RPP30: variants seen among roughly 807,000 people sequenced by gnomAD.
RPP30 encodes ribonuclease P protein subunit p30.
RPP30 carries 36 observed loss-of-function variants against 38.6 expected under a neutral mutation model. The observed-to-expected ratio is 0.93, with a 90% CI of 0.71 to 1.23. The LOEUF is 1.23. Among genes scored for constraint, RPP30 ranks in the 50% most tolerant of loss-of-function variants. The probability of loss-of-function intolerance (pLI) is 0.00; values close to 1 mark genes in which losing one functional copy is unlikely to be tolerated. For missense variants in RPP30, 321 were observed against 321.7 expected (o/e 1.00, Z 0.02); for synonymous variants, 126 against 112.7 (o/e 1.12, Z -0.75).
At chr10:90,896,224 G>T in intron 9 of RPP30, 89 bp from the exon 10 acceptor site, 2 of 1,117,244 alleles carry the variant, frequency 1.8e-6, no homozygotes, top group South Asian at 2.6e-5. Flanking sequence ...CTCTCAAGAT[G>T]ACCAGGTTAG....
chr10:90,877,123 T>TAGGGA (rs1390315163), intron 4 of RPP30, among the ~76,000 whole-genome samples: 1 of 152,014 alleles, frequency 6.6e-6, no homozygotes, highest in Admixed American at 6.6e-5. Flanking sequence ...ACCAGCCTGG[T>TAGGGA]GAAAGTGGTG....
At chr10:90,875,505 C>A in intron 2 of RPP30, 53 bp from the exon 3 acceptor site, 1 of 1,383,744 alleles carries the variant, frequency 7.2e-7, no homozygotes, top group Non-Finnish European at 1.0e-6. Flanking sequence ...TTCCATTATG[C>A]CTTGTGCTAT....
chr10:90,886,785 T>G (rs573473089), intron 6 of RPP30, among the ~76,000 whole-genome samples: 2 of 152,214 alleles, frequency 1.3e-5, no homozygotes, highest in South Asian at 4.1e-4. Context: ...AATCAGAAGA[T>G]TAATTTTTTT....
rs113646101 is a variant in RPP30 at position 90,895,637 on chromosome 10, T to A, written c.579+154T>A. ...TGTAATTGCTAAATAGTAAAATTTA[T>A]CCCCACTTTCTTTAGGCTTCAACTT... On this transcript the variant is annotated intron_variant, in intron 8 of 10. Transcript: ENST00000371703. The A allele has an allele frequency of 1.9e-5, 10 of 520,716 alleles. 1 individual carries two copies. The highest frequency in any genetic ancestry group is 1.0e-4 in the African/African-American group (5 of 50,072). The allele number at this position is 520,716 out of a possible 1,614,324, so 32.3% of individuals were successfully genotyped here. A position where few individuals can be genotyped will look rare whatever the true frequency, so the allele number is the denominator to read the frequency against.
Position 90,876,188 on chromosome 10 carries a change from A to G in RPP30, c.270+90A>G, listed in dbSNP as rs1378487949. ...TGTTGCATTTTGTCTTCCCCATTTT[A>G]CATTTTCCCTCGCCCCCGCCAAACC... On this transcript the variant is annotated intron_variant, in intron 4 of 10. Coordinates refer to ENST00000371703, the MANE Select transcript of RPP30 (RefSeq NM_006413.5). 8 of 841,070 alleles carry G rather than the reference A, an allele frequency of 9.5e-6. No individual in the cohort carries two copies. In the East Asian group the frequency reaches 2.0e-4, roughly 21 times the overall value. 52.1% of individuals were successfully genotyped at this position (841,070 alleles called of 1,614,324 possible). A position where few individuals can be genotyped will look rare whatever the true frequency, so the allele number is the denominator to read the frequency against.
At chr10:90,882,588 G>A (rs540033023) in intron 5 of RPP30, among the ~76,000 whole-genome samples, 7 of 152,242 alleles carry the variant, frequency 4.6e-5, no homozygotes, top group South Asian at 2.1e-4. Flanking sequence ...GTGTGAACCC[G>A]GGAGACGGAG....
intron 5 of RPP30, among the ~76,000 whole-genome samples, chr10:90,880,446 G>A (rs1846912204): frequency 6.6e-6 from 1 of 152,118 alleles, no homozygotes; most frequent in Admixed American, 6.5e-5. Context: ...TGCAATTGTA[G>A]GCCGGGCACA....
Position 90,875,538 on chromosome 10 carries a change from CTATT to C in RPP30, c.139-16_139-13del, listed in dbSNP as rs772573784. ...TATTAATGGATACAATCTGCAGTAA[CTATT>C]TATCGTTTGTTGTAGGAAATTGAAA... On this transcript the variant is annotated splice_polypyrimidine_tract_variant and intron_variant, in intron 2 of 10. Coordinates refer to ENST00000371703, the MANE Select transcript of RPP30 (RefSeq NM_006413.5). The C allele has an allele frequency of 1.9e-5, 30 of 1,606,072 alleles. No homozygotes were observed. Among genetic ancestry groups the C allele is most frequent in the Admixed American group, 3.3e-5 (2 of 59,982 alleles).
chr10:90,896,422 T>C (rs568985037), intron 10 of RPP30, 30 bp downstream of exon 10: 1 of 1,577,770 alleles, frequency 6.3e-7, no homozygotes, highest in African/African-American at 1.3e-5. Context: ...ACAAACTGAA[T>C]GGTCATGTTA....
At chr10:90,888,538 A>G (rs1847031931) in intron 6 of RPP30, among the ~76,000 whole-genome samples, 1 of 152,190 alleles carries the variant, frequency 6.6e-6, no homozygotes, top group African/African-American at 2.4e-5. Flanking sequence ...CAATAAGTAC[A>G]TGTTGAACTT....
At chr10:90,904,468 T>C (rs1847232630), downstream of RPP30, among the ~76,000 whole-genome samples, 1 of 152,154 alleles carries the variant, frequency 6.6e-6, no homozygotes, top group South Asian at 2.1e-4. Context: ...AAGGATTAAG[T>C]AGGTTAGTAT....
chr10:90,883,231 A>G (rs1296909067), intron 5 of RPP30, among the ~76,000 whole-genome samples: 3 of 150,804 alleles, frequency 2.0e-5, no homozygotes, highest in Non-Finnish European at 2.9e-5. Context: ...AGATGTGTAT[A>G]TATGTGTGCA....
chr10:90,895,294 A>G, intron 7 of RPP30, 160 bp from the exon 8 acceptor site: 1 of 513,464 alleles, frequency 1.9e-6, no homozygotes, highest in Non-Finnish European at 3.4e-6. Context: ...GTTTGACATG[A>G]AGTCTTTTCA....
intron 5 of RPP30, 50 bp from the exon 6 acceptor site, chr10:90,885,762 A>T (rs1323845711): frequency 1.7e-6 from 2 of 1,172,940 alleles, no homozygotes; most frequent in South Asian, 1.2e-5. Flanking sequence ...TCCCATTCTT[A>T]CTTGTGCCAA....
intron 5 of RPP30, among the ~76,000 whole-genome samples, chr10:90,879,686 G>C (rs1348441892): frequency 6.6e-6 from 1 of 152,114 alleles, no homozygotes; most frequent in East Asian, 1.9e-4. Flanking sequence ...TTTATGAATT[G>C]AATTTCTTTT....
rs1384271794 is a variant in RPP30, at chr10:90,901,881, C to T, written c.*1202C>T. ...TCCCCCAGGCTGGAGTGCAGTGGCT[C>T]GATCTCTGCTCACTGCAAGCTCCGC... On this transcript the variant is annotated 3_prime_UTR_variant, in exon 11 of 11. Coordinates refer to ENST00000371703, the MANE Select transcript of RPP30 (RefSeq NM_006413.5). 22 of 666,350 alleles carry T rather than the reference C, an allele frequency of 3.3e-5. No homozygotes were observed. Among genetic ancestry groups the T allele is most frequent in the South Asian group, 6.8e-5 (1 of 14,762 alleles). The allele number at this position is 666,350 out of a possible 1,614,324, so 41.3% of individuals were successfully genotyped here.
At chr10:90,905,547 C>G (rs1465874298), downstream of RPP30, 1 of 152,236 alleles carries the variant, frequency 6.6e-6, no homozygotes, top group Non-Finnish European at 1.5e-5. Flanking sequence ...AGAGGACTCT[C>G]AGTAAGTCAC....
At chr10:90,900,488 A>G in intron 10 of RPP30, 82 bp from the exon 11 acceptor site, 1 of 1,373,402 alleles carries the variant, frequency 7.3e-7, no homozygotes, top group South Asian at 1.5e-5. Context: ...CTATTGCTGT[A>G]AGCCAAAGTA....
intron 10 of RPP30, among the ~76,000 whole-genome samples, chr10:90,897,940 A>G (rs1847160965): frequency 6.6e-6 from 1 of 152,184 alleles, no homozygotes; most frequent in Admixed American, 6.5e-5. Flanking sequence ...AAACAATCCA[A>G]TTATGCTTTT....
Sources: allele counts gnomAD v4.1 joint callset (sites outside exome capture counted in the v4.1 genomes callset), GRCh38; gene constraint gnomAD v4.1.1; transcripts MANE v1.5; gene names NCBI Gene and HGNC (gene_info 2026-07-23, HGNC 2026-07-21).